CSMD3: variants seen among roughly 807,000 people sequenced by gnomAD.
The protein encoded by CSMD3 is CUB and Sushi multiple domains 3, also known as CUB and sushi domain-containing protein 3.
In CSMD3, 177 loss-of-function variants were observed where a neutral mutation model predicts 435.2. The ratio of observed to expected loss-of-function variants is 0.41; its 90% CI spans 0.36 to 0.46. The LOEUF (loss-of-function observed/expected upper bound fraction) is 0.46, where lower values mean the gene tolerates loss of function less well. Ranked by LOEUF, CSMD3 falls within the 20% of genes least tolerant of loss-of-function variation. The pLI is 0.34. For missense variants in CSMD3, 4,265 were observed against 4,504.6 expected (o/e 0.95, Z 1.52); for synonymous variants, 1,656 against 1,520.5 (o/e 1.09, Z -2.07).
At chr8:113,234,978 G>A (rs912850000) in intron 3 of CSMD3, among the ~76,000 whole-genome samples, 11 of 152,086 alleles carry the variant, frequency 7.2e-5, no homozygotes, top group African/African-American at 2.2e-4. Context: ...TCTATGGAGC[G>A]TCTAGGCAGA....
intron 32 of CSMD3, among the ~76,000 whole-genome samples, chr8:112,457,017 T>C (rs1816903944): frequency 3.9e-5 from 6 of 152,080 alleles, no homozygotes; most frequent in Admixed American, 3.9e-4. Context: ...ACAAAACTGA[T>C]TTATATGTCA....
At chr8:112,249,406 C>G (rs183692810) in intron 63 of CSMD3, among the ~76,000 whole-genome samples, 2 of 152,036 alleles carry the variant, frequency 1.3e-5, no homozygotes, top group Non-Finnish European at 2.9e-5. Context: ...CTCAGTGGAT[C>G]TGGGGTAGGT....
In CSMD3 at chr8:112,343,788, A is replaced by G. The variant is rs115152762; in HGVS notation, c.6443-2102T>C. Among the ~76,000 whole-genome samples, 795 of 152,258 alleles carry G rather than the reference A, an allele frequency of 5.2e-3. 9 individuals are homozygous for G. Among genetic ancestry groups the G allele is most frequent in the African/African-American group, 0.018 (739 of 41,550 alleles). On this transcript the variant is annotated intron_variant, in intron 41 of 70. Coordinates refer to ENST00000297405, the MANE Select transcript of CSMD3 (RefSeq NM_198123.2). ...AGCCTTCTGATTAGGTGGGACATAC[A>G]GGCGGGCTCCACCATGTGTGGCTAG...
chr8:113,207,408 T>G (rs2092783930), intron 3 of CSMD3, among the ~76,000 whole-genome samples: 1 of 149,794 alleles, frequency 6.7e-6, no homozygotes, highest in South Asian at 2.1e-4. Context: ...TTTAGATGGA[T>G]CCTCGCTCTG....
chr8:112,350,831 G>A (rs2131051086), intron 40 of CSMD3, among the ~76,000 whole-genome samples: 1 of 152,052 alleles, frequency 6.6e-6, no homozygotes, highest in East Asian at 1.9e-4. Flanking sequence ...CCGCTCAATA[G>A]TAAGCAATAG....
intron 3 of CSMD3, among the ~76,000 whole-genome samples, chr8:113,219,640 A>G (rs926876687): frequency 1.3e-5 from 2 of 151,432 alleles, no homozygotes; most frequent in African/African-American, 2.4e-5. Context: ...TTCAAACAAT[A>G]CATCAGAATA....
intron 12 of CSMD3, among the ~76,000 whole-genome samples, chr8:112,827,249 A>T (rs2132465643): frequency 7.3e-6 from 1 of 137,622 alleles, no homozygotes; most frequent in South Asian, 2.3e-4. Context: ...TAGCTCAAAT[A>T]GCTTTTTTTT....
chr8:112,291,491 A>T lies in CSMD3; in HGVS notation c.8974+19T>A. 6.5e-7 allele frequency: 1 copy of T among 1,543,552 alleles called. No homozygotes were observed. The highest frequency in any genetic ancestry group is 9.0e-7 in the Non-Finnish European group (1 of 1,117,038). ...TTCCATGACATGTTCTCAAGAAACA[A>T]TTCACATTATCTACTTACTGATACA... On this transcript the variant is annotated intron_variant, in intron 56 of 70. Coordinates refer to ENST00000297405, the MANE Select transcript of CSMD3 (RefSeq NM_198123.2).
At chr8:113,414,687 A>C (rs1304704168) in intron 1 of CSMD3, among the ~76,000 whole-genome samples, 1 of 149,366 alleles carries the variant, frequency 6.7e-6, no homozygotes, top group African/African-American at 2.5e-5. Context: ...CTGGGAGGGC[A>C]CAGTGGCTCA....
intron 22 of CSMD3, among the ~76,000 whole-genome samples, chr8:112,597,580 A>AC (rs1436735883): frequency 8.5e-6 from 1 of 117,438 alleles, no homozygotes; most frequent in African/African-American, 3.6e-5. Flanking sequence ...AGAATTTTAG[A>AC]CCAATATCCT....
chr8:113,199,312 T>A (rs2132022997), intron 3 of CSMD3, among the ~76,000 whole-genome samples: 1 of 151,710 alleles, frequency 6.6e-6, no homozygotes, highest in African/African-American at 2.4e-5. Context: ...TAAGCAAAAA[T>A]TATTATCAGA....
At chr8:112,532,131 C>T (rs1488113087) in intron 27 of CSMD3, among the ~76,000 whole-genome samples, 1 of 151,270 alleles carries the variant, frequency 6.6e-6, no homozygotes, top group African/African-American at 2.4e-5. Flanking sequence ...ATTGATTAAG[C>T]AGAAGAAAGA....
intron 59 of CSMD3, among the ~76,000 whole-genome samples, chr8:112,276,944 G>A (rs1225086105): frequency 1.3e-5 from 2 of 151,942 alleles, no homozygotes; most frequent in Non-Finnish European, 2.9e-5. Flanking sequence ...CACACAGCAG[G>A]AAGGCCCTGG....
chr8:113,218,168 A>AT (rs1319558921), intron 3 of CSMD3, among the ~76,000 whole-genome samples: 1,858 of 144,882 alleles, frequency 0.013, 27 homozygotes, highest in African/African-American at 0.038. Flanking sequence ...CTCTAAGTGA[A>AT]TTTTTTTTTT....
chr8:113,115,731 T>C (rs2090804261), intron 4 of CSMD3, among the ~76,000 whole-genome samples: 1 of 152,234 alleles, frequency 6.6e-6, no homozygotes, highest in Non-Finnish European at 1.5e-5. Context: ...ATTATGTCTA[T>C]AATGTCTTTT....
At chr8:112,312,045 G>T (rs900152218) in intron 49 of CSMD3, among the ~76,000 whole-genome samples, 2 of 152,200 alleles carry the variant, frequency 1.3e-5, no homozygotes, top group South Asian at 4.2e-4. Flanking sequence ...ACAAGGATTG[G>T]TCTATAATAC....
intron 32 of CSMD3, among the ~76,000 whole-genome samples, chr8:112,440,801 G>C (rs1242439747): frequency 6.6e-6 from 1 of 152,198 alleles, no homozygotes. Flanking sequence ...TGTGGCTGGA[G>C]CTGAAGCAGC....
chr8:112,370,094 T>G (rs1443966968), intron 38 of CSMD3, among the ~76,000 whole-genome samples: 1 of 143,234 alleles, frequency 7.0e-6, no homozygotes, highest in Non-Finnish European at 1.5e-5. Flanking sequence ...GTAGTAGTAG[T>G]AGTAGTAGTC....
At chr8:112,518,224 G>C (rs1823882763) in intron 27 of CSMD3, among the ~76,000 whole-genome samples, 1 of 152,038 alleles carries the variant, frequency 6.6e-6, no homozygotes, top group African/African-American at 2.4e-5. Context: ...TTAGAGGCCA[G>C]GCATAGTGGC....
Sources: gnomAD v4.1 joint callset for allele counts (sites outside exome capture counted in the v4.1 genomes callset) on GRCh38, gnomAD v4.1.1 for gene constraint, MANE v1.5 for transcripts, NCBI Gene and HGNC (gene_info 2026-07-23, HGNC 2026-07-21) for gene names.